The following HSD17B14 variants were observed in gnomAD, a reference collection of about 807,000 sequenced individuals.
HSD17B14 encodes L-fucose dehydrogenase.
HSD17B14 carries 32 observed loss-of-function variants against 32.2 expected under a neutral mutation model. The ratio of observed to expected loss-of-function variants is 0.99; its 90% confidence interval spans 0.75 to 1.33. The LOEUF (loss-of-function observed/expected upper bound fraction) is 1.33. HSD17B14 is among the 40% of genes most tolerant of loss of function. HSD17B14 has a pLI of 0.00. For missense variants in HSD17B14, 370 were observed against 366.5 expected (o/e 1.01, Z -0.08); for synonymous variants, 140 against 155.4 (o/e 0.90, Z 0.74).
chr19:48,830,561 C>T (rs2035320585), intron 5 of HSD17B14, among the ~76,000 whole-genome samples: 3 of 152,192 alleles, frequency 2.0e-5, no homozygotes, highest in South Asian at 2.1e-4. Flanking sequence ...TCTGGGCTGC[C>T]GGCTAATAAA....
chr19:48,820,286 C>A (rs140181161), intron 5 of HSD17B14, among the ~76,000 whole-genome samples: 7 of 151,934 alleles, frequency 4.6e-5, no homozygotes, highest in Non-Finnish European at 7.4e-5. Context: ...CCAGCCTGAC[C>A]AATATGGTGA....
At chr19:48,832,932 T>C (rs982853020) in intron 3 of HSD17B14, among the ~76,000 whole-genome samples, 200 bp from the exon 4 acceptor site, 13 of 151,528 alleles carry the variant, frequency 8.6e-5, no homozygotes, top group Non-Finnish European at 1.5e-4. Flanking sequence ...TTTTGTACTT[T>C]TTAGTAGAGA....
intron 5 of HSD17B14, among the ~76,000 whole-genome samples, chr19:48,826,542 T>TATATATATACACACACACACAC: frequency 5.0e-5 from 4 of 80,110 alleles, no homozygotes; most frequent in African/African-American, 2.1e-4. Flanking sequence ...TATATATATA[T>TATATATATACACACACACACAC]ACACACACAC....
At chr19:48,817,739 A>G (rs768612179) in intron 5 of HSD17B14, among the ~76,000 whole-genome samples, 14 of 152,228 alleles carry the variant, frequency 9.2e-5, no homozygotes, top group Non-Finnish European at 1.9e-4. Flanking sequence ...GAATGAATGA[A>G]TGGGTGAATT....
rs142345019 is a variant in HSD17B14, at chr19:48,815,536, G to A, written c.370-395C>T. Among the ~76,000 whole-genome samples, 561 of 152,192 alleles carry A rather than the reference G, an allele frequency of 3.7e-3. 4 individuals carry two copies. The highest frequency in any genetic ancestry group is 0.013 in the African/African-American group (531 of 41,534). ...AAAAATGGGATGAAGTTATTTTCCG[G>A]TGAAGTCTCTGTGGCCCAGGCTGGA... On this transcript the variant is annotated intron_variant, in intron 5 of 8. Transcript: ENST00000263278.
intron 5 of HSD17B14, among the ~76,000 whole-genome samples, chr19:48,825,605 AAG>A (rs919320306): frequency 1.3e-5 from 2 of 151,910 alleles, no homozygotes; most frequent in Non-Finnish European, 2.9e-5. Flanking sequence ...AAATATTGAT[AAG>A]AGTTTCATGG....
chr19:48,835,656 AG>A (rs2035489700), intron 2 of HSD17B14, 148 bp downstream of exon 2: 1 of 697,102 alleles, frequency 1.4e-6, no homozygotes, highest in Non-Finnish European at 2.5e-6. Context: ...GGTCTGAGGG[AG>A]GAGGGGCTGA....
chr19:48,835,697 G>A (rs1599849950), intron 2 of HSD17B14, 108 bp downstream of exon 2: 25 of 1,101,522 alleles, frequency 2.3e-5, no homozygotes, highest in Non-Finnish European at 3.4e-5. Flanking sequence ...GAGGAAGTAG[G>A]GCCTGGGGGC....
At chr19:48,836,174 C>T in intron 1 of HSD17B14, 150 bp downstream of exon 1, 1 of 794,286 alleles carries the variant, frequency 1.3e-6, no homozygotes, top group Non-Finnish European at 2.0e-6. Flanking sequence ...TAGCCTACAG[C>T]GCCACACGCT....
intron 5 of HSD17B14, among the ~76,000 whole-genome samples, chr19:48,821,805 TG>T (rs1394517870): frequency 2.6e-5 from 4 of 151,400 alleles, no homozygotes; most frequent in Non-Finnish European, 4.4e-5. Flanking sequence ...ATCGTAGTGA[TG>T]ATGATGGTGA....
chr19:48,813,857 A>AAG, intron 6 of HSD17B14, 127 bp from the exon 7 acceptor site: 1 of 991,694 alleles, frequency 1.0e-6, no homozygotes, highest in Non-Finnish European at 1.6e-6. Context: ...GGCTGCCTTC[A>AAG]GAGGCACCAG....
chr19:48,821,401 T>C (rs2122758175), intron 5 of HSD17B14, among the ~76,000 whole-genome samples: 1 of 152,288 alleles, frequency 6.6e-6, no homozygotes, highest in African/African-American at 2.4e-5. Context: ...GGATCCCTAC[T>C]GCCCACAAAA....
At chr19:48,816,759 G>C (rs532595339) in intron 5 of HSD17B14, among the ~76,000 whole-genome samples, 1 of 120,262 alleles carries the variant, frequency 8.3e-6, no homozygotes, top group Non-Finnish European at 1.9e-5. Flanking sequence ...AGGCCAGCAT[G>C]GGCAGCTTAG....
chr19:48,832,047 C>T (rs2035346279), intron 4 of HSD17B14, among the ~76,000 whole-genome samples: 1 of 143,638 alleles, frequency 7.0e-6, no homozygotes, highest in Admixed American at 7.1e-5. Flanking sequence ...CACTGCACTC[C>T]AGCCTGGGCG....
At chr19:48,834,602 G>A (rs112441914) in intron 2 of HSD17B14, among the ~76,000 whole-genome samples, 1 of 56,030 alleles carries the variant, frequency 1.8e-5, no homozygotes, top group Non-Finnish European at 3.0e-5. Context: ...AGGGCCTGGG[G>A]GCCTGGACTC....
intron 5 of HSD17B14, among the ~76,000 whole-genome samples, chr19:48,816,114 ACT>A (rs1204856882): frequency 6.6e-6 from 1 of 150,400 alleles, no homozygotes; most frequent in Non-Finnish European, 1.5e-5. Context: ...GTCCCTAAAT[ACT>A]CTCTCTGTGT....
chr19:48,826,487 G>T (rs1302526952), intron 5 of HSD17B14, among the ~76,000 whole-genome samples: 90 of 48,840 alleles, frequency 1.8e-3, no homozygotes, highest in Non-Finnish European at 2.6e-3. Flanking sequence ...GAGCAAGATT[G>T]TCTCAAAAAA....
intron 5 of HSD17B14, among the ~76,000 whole-genome samples, chr19:48,821,960 T>C (rs1452628509): frequency 6.8e-6 from 1 of 147,156 alleles, no homozygotes. Flanking sequence ...ATGGTTACGA[T>C]TGTGGTAATG....
rs570744175 is a variant in HSD17B14 at position 48,813,325 on chromosome 19, G to C, written c.663C>G (p.Pro221=). 19 of 1,592,224 alleles carry C rather than the reference G, an allele frequency of 1.2e-5. No homozygotes were observed. Among genetic ancestry groups the C allele is most frequent in the East Asian group, 9.1e-5 (4 of 43,810 alleles). ...LAQPLGRMGQ[P]AEVGAAAVFL... is the part of the protein sequence containing the mutation. ...ACACTGCCGCAGCCCCGACCTCAGCGGGCTGGCCCATGCGGCCCAGTGGCT... is the reference window on the plus strand; with the variant it reads ...ACACTGCCGCAGCCCCGACCTCAGCCGGCTGGCCCATGCGGCCCAGTGGCT... The change falls in exon 9 of 9, where the codon CCC becomes CCG. Residue 221 remains proline (P), a synonymous_variant. Transcript: ENST00000263278.
Sources: gnomAD v4.1 joint callset for allele counts (sites outside exome capture counted in the v4.1 genomes callset) on GRCh38, gnomAD v4.1.1 for gene constraint, MANE v1.5 for transcripts, NCBI Gene and HGNC (gene_info 2026-07-23, HGNC 2026-07-21) for gene names.